ZNF704: variants seen among roughly 807,000 people sequenced by gnomAD.
The protein encoded by ZNF704 is zinc finger protein 704.
ZNF704 carries 10 observed loss-of-function variants against 44.7 expected under a neutral mutation model. That is an observed-to-expected ratio of 0.22 (90% CI 0.14 to 0.38). ZNF704 has a LOEUF of 0.38. Among genes scored for constraint, ZNF704 ranks in the 10% least tolerant of loss-of-function variants. The probability of loss-of-function intolerance (pLI) is 1.00; values close to 1 mark genes in which losing one functional copy is unlikely to be tolerated. For missense variants in ZNF704, 390 were observed against 545.5 expected (o/e 0.71, Z 2.84); for synonymous variants, 211 against 207.6 (o/e 1.02, Z -0.14).
chr8:80,752,437 A>G (rs1806959774), intron 2 of ZNF704, among the ~76,000 whole-genome samples: 1 of 151,856 alleles, frequency 6.6e-6, no homozygotes, highest in Non-Finnish European at 1.5e-5. Context: ...GAGGTTTCAA[A>G]GTGTATTTTA....
intron 2 of ZNF704, among the ~76,000 whole-genome samples, chr8:80,704,141 C>A (rs1818858976): frequency 6.6e-6 from 1 of 152,132 alleles, no homozygotes; most frequent in African/African-American, 2.4e-5. Context: ...TCAGCAATAA[C>A]ATTATTAAAT....
chr8:80,732,548 C>T (rs1806599251), intron 2 of ZNF704, among the ~76,000 whole-genome samples: 1 of 152,214 alleles, frequency 6.6e-6, no homozygotes, highest in South Asian at 2.1e-4. Context: ...TCAAAAGGAA[C>T]CACCCTGCCA....
intron 4 of ZNF704, among the ~76,000 whole-genome samples, chr8:80,680,470 C>T (rs571473864): frequency 5.1e-4 from 78 of 151,640 alleles, no homozygotes; most frequent in African/African-American, 1.7e-3. Flanking sequence ...GGGACCTTGA[C>T]GGACAGAGAG....
At chr8:80,859,772 CCTT>C (rs1395726457) in intron 1 of ZNF704, among the ~76,000 whole-genome samples, 5 of 152,066 alleles carry the variant, frequency 3.3e-5, no homozygotes, top group African/African-American at 4.8e-5. Flanking sequence ...GACTGTGCCT[CCTT>C]CTACTGGATG....
chr8:80,824,014 C>T (rs1808325651), intron 1 of ZNF704, among the ~76,000 whole-genome samples: 1 of 152,178 alleles, frequency 6.6e-6, no homozygotes, highest in Non-Finnish European at 1.5e-5. Context: ...ATCAGAGCAC[C>T]TCTTCTCCTC....
intron 2 of ZNF704, among the ~76,000 whole-genome samples, chr8:80,764,665 T>C (rs1237687912): frequency 6.6e-6 from 1 of 152,234 alleles, no homozygotes; most frequent in African/African-American, 2.4e-5. Context: ...AAATTTTCTA[T>C]GTATATGCTG....
At chr8:80,843,931 A>ATATATATATGTGTATGTATATATATGTG (rs1808722074) in intron 1 of ZNF704, among the ~76,000 whole-genome samples, 1 of 142,106 alleles carries the variant, frequency 7.0e-6, no homozygotes, top group African/African-American at 3.0e-5. Flanking sequence ...ACAGTGAAAT[A>ATATATATATGTGTATGTATATATATGTG]TATATATATG....
Position 80,805,123 on chromosome 8 carries a change from C to A in ZNF704, c.221+16251G>T, listed in dbSNP as rs896794934. Among the ~76,000 whole-genome samples the A allele has an allele frequency of 2.6e-5, 4 of 152,062 alleles. No homozygotes were observed. The South Asian group carries it at 8.3e-4, about 32-fold the overall frequency. On this transcript the variant is annotated intron_variant, in intron 2 of 8. Transcript: ENST00000327835. ...GTAGGCAAGGACTAGGTACATAAAA[C>A]CTTACCTTTCATCAACAGGCCAATT...
At chr8:80,872,392 A>G (rs1482684429) in intron 1 of ZNF704, among the ~76,000 whole-genome samples, 1 of 152,222 alleles carries the variant, frequency 6.6e-6, no homozygotes, top group Admixed American at 6.5e-5. Context: ...CCGATGTTCA[A>G]CATTTCTTTG....
intron 2 of ZNF704, among the ~76,000 whole-genome samples, chr8:80,709,811 C>T (rs959585940): frequency 1.1e-4 from 16 of 152,278 alleles, no homozygotes; most frequent in African/African-American, 3.6e-4. Flanking sequence ...AGGATGGCCT[C>T]GGTGGCTGCC....
intron 2 of ZNF704, among the ~76,000 whole-genome samples, chr8:80,781,085 C>T (rs1026721172): frequency 6.6e-6 from 1 of 152,142 alleles, no homozygotes; most frequent in Non-Finnish European, 1.5e-5. Context: ...TTTCCCATAT[C>T]CTTAGCTCAT....
chr8:80,751,532 T>C (rs1806943874), intron 2 of ZNF704, among the ~76,000 whole-genome samples: 1 of 152,244 alleles, frequency 6.6e-6, no homozygotes, highest in African/African-American at 2.4e-5. Context: ...ACATGGAAGA[T>C]AGTATGAGTA....
At chr8:80,840,326 C>T (rs1406881333) in intron 1 of ZNF704, among the ~76,000 whole-genome samples, 8 of 151,594 alleles carry the variant, frequency 5.3e-5, no homozygotes, top group Admixed American at 1.3e-4. Context: ...TGTGTGTGTG[C>T]GCGTGTGTTT....
At chr8:80,756,199 A>G (rs1488322370) in intron 2 of ZNF704, among the ~76,000 whole-genome samples, 1 of 152,138 alleles carries the variant, frequency 6.6e-6, no homozygotes, top group Non-Finnish European at 1.5e-5. Flanking sequence ...AGTCTTTTAG[A>G]TATCAAGACA....
chr8:80,838,690 GGGGAGCAGACACTGGAGGAGGAGGAA>G, intron 1 of ZNF704, among the ~76,000 whole-genome samples: 6 of 149,456 alleles, frequency 4.0e-5, no homozygotes, highest in African/African-American at 1.2e-4. Flanking sequence ...AGGAGGAGGA[GGGGAGCAGACACTGGAGGAGGAGGAA>G]GAGGGGAGCA....
intron 3 of ZNF704, among the ~76,000 whole-genome samples, chr8:80,690,629 G>A (rs1422204364): frequency 6.6e-6 from 1 of 152,148 alleles, no homozygotes; most frequent in Non-Finnish European, 1.5e-5. Flanking sequence ...GTACCCATTT[G>A]CCAGAGACCC....
chr8:80,810,781 C>T (rs1238333403), intron 2 of ZNF704, among the ~76,000 whole-genome samples: 1 of 152,184 alleles, frequency 6.6e-6, no homozygotes, highest in Non-Finnish European at 1.5e-5. Flanking sequence ...AGTCATTTCC[C>T]TTCAGGGGAC....
chr8:80,648,254 C>T lies in ZNF704; in HGVS notation c.1033-5125G>A, dbSNP rs151193826. Reference sequence around the variant, plus strand: ...TGCAAACCACAACATGGACCTCCTGCAGGAATGACCCCTCGCCAAAGTCCT... The same window carrying T: ...TGCAAACCACAACATGGACCTCCTGTAGGAATGACCCCTCGCCAAAGTCCT... On this transcript the variant is annotated intron_variant, in intron 7 of 8. Coordinates refer to ENST00000327835, the MANE Select transcript of ZNF704 (RefSeq NM_001033723.3). Among the ~76,000 whole-genome samples the T allele has an allele frequency of 4.4e-3, 673 of 152,298 alleles. 5 individuals carry two copies. The highest frequency in any genetic ancestry group is 0.016 in the African/African-American group (647 of 41,554).
At chr8:80,808,342 T>C (rs1297404206) in intron 2 of ZNF704, among the ~76,000 whole-genome samples, 1 of 152,220 alleles carries the variant, frequency 6.6e-6, no homozygotes, top group Non-Finnish European at 1.5e-5. Flanking sequence ...GAAAGGGAGT[T>C]ATTAATTGAA....
Sources: gnomAD v4.1 joint callset for allele counts (sites outside exome capture counted in the v4.1 genomes callset) on GRCh38, gnomAD v4.1.1 for gene constraint, MANE v1.5 for transcripts, NCBI Gene and HGNC (gene_info 2026-07-23, HGNC 2026-07-21) for gene names.